The following BTBD9 variants were observed in gnomAD, a reference collection of about 807,000 sequenced individuals.
BTBD9 encodes the protein BTB domain containing 9, also known as BTB/POZ domain-containing protein 9.
A neutral mutation model predicts 64.3 loss-of-function variants in BTBD9; 49 were observed. The observed-to-expected ratio is 0.76, with a 90% CI of 0.61 to 0.97. The LOEUF is 0.97. BTBD9 is among the 50% of genes least tolerant of loss of function. The probability of loss-of-function intolerance (pLI) is 0.00; values close to 1 mark genes in which losing one functional copy is unlikely to be tolerated. For synonymous variants in BTBD9, 260 were observed against 274.7 expected, an observed-to-expected ratio of 0.95 and a Z score of 0.53; for missense variants, 598 against 762.1, an observed-to-expected ratio of 0.78 and a Z score of 2.53.
intron 6 of BTBD9, among the ~76,000 whole-genome samples, chr6:38,475,087 A>G (rs1417812819): frequency 6.6e-6 from 1 of 152,236 alleles, no homozygotes; most frequent in African/African-American, 2.4e-5. Context: ...AGGGAAAAGT[A>G]AAACAATGTT....
chr6:38,417,218 A>T (rs1169458828), intron 6 of BTBD9, among the ~76,000 whole-genome samples: 1 of 152,194 alleles, frequency 6.6e-6, no homozygotes, highest in Non-Finnish European at 1.5e-5. Flanking sequence ...CACCAGGATT[A>T]TAGGCATGAG....
At chr6:38,507,988 C>A (rs1206374964) in intron 6 of BTBD9, among the ~76,000 whole-genome samples, 2 of 152,054 alleles carry the variant, frequency 1.3e-5, no homozygotes, top group Non-Finnish European at 2.9e-5. Context: ...CACCCGCCAC[C>A]ACACCCCCCT....
chr6:38,178,462 C>G (rs1308405071), intron 10 of BTBD9, among the ~76,000 whole-genome samples: 1 of 152,162 alleles, frequency 6.6e-6, no homozygotes, highest in Non-Finnish European at 1.5e-5. Context: ...TGGGCGAGGT[C>G]CCAGCTGCCC....
At chr6:38,210,814 C>T (rs1356365145) in intron 9 of BTBD9, among the ~76,000 whole-genome samples, 1 of 152,060 alleles carries the variant, frequency 6.6e-6, no homozygotes, top group Non-Finnish European at 1.5e-5. Flanking sequence ...TTACCTTTAC[C>T]CTTGTCTATT....
At chr6:38,447,604 T>C (rs1769335111) in intron 6 of BTBD9, among the ~76,000 whole-genome samples, 1 of 152,204 alleles carries the variant, frequency 6.6e-6, no homozygotes, top group Non-Finnish European at 1.5e-5. Context: ...ACAGACTCTG[T>C]ACCATCATAC....
intron 6 of BTBD9, among the ~76,000 whole-genome samples, chr6:38,539,506 A>C (rs993960493): frequency 6.6e-6 from 1 of 152,326 alleles, no homozygotes; most frequent in Middle Eastern, 3.4e-3. Flanking sequence ...TCTGCTCAAG[A>C]ATTATATTGT....
chr6:38,478,487 G>A (rs926372676), intron 6 of BTBD9, among the ~76,000 whole-genome samples: 12 of 152,124 alleles, frequency 7.9e-5, no homozygotes, highest in African/African-American at 2.9e-4. Flanking sequence ...TGAGGATGGT[G>A]TCAAATCTCA....
chr6:38,402,022 C>T (rs1475361046), intron 6 of BTBD9, among the ~76,000 whole-genome samples: 1 of 151,818 alleles, frequency 6.6e-6, no homozygotes, highest in African/African-American at 2.4e-5. Flanking sequence ...ATAATCAATA[C>T]ACAAAATCAA....
rs114946809 is a variant in BTBD9, at chr6:38,576,438, G to A, written c.1154+1162C>T. ...ATCCCTGGGTAACAATATTGTGTCCGGTCATACCAATAAAAAAAATGTAGG... is the reference window on the plus strand; with the variant it reads ...ATCCCTGGGTAACAATATTGTGTCCAGTCATACCAATAAAAAAAATGTAGG... On this transcript the variant is annotated intron_variant, in intron 6 of 10. Transcript: ENST00000481247. Among the ~76,000 whole-genome samples, 441 of 152,160 alleles carry A rather than the reference G, an allele frequency of 2.9e-3. 7 individuals are homozygous for A. The highest frequency in any genetic ancestry group is 0.01 in the African/African-American group (420 of 41,506).
intron 7 of BTBD9, among the ~76,000 whole-genome samples, chr6:38,322,259 A>T (rs957346120): frequency 1.3e-5 from 2 of 152,010 alleles, no homozygotes; most frequent in Admixed American, 1.3e-4. Context: ...CATCTCCAAG[A>T]TACTCTTCCG....
At chr6:38,341,020 A>G (rs1222625669) in intron 7 of BTBD9, among the ~76,000 whole-genome samples, 2 of 152,246 alleles carry the variant, frequency 1.3e-5, no homozygotes, top group African/African-American at 4.8e-5. Context: ...CCAGACTGGT[A>G]GACACTCTAT....
chr6:38,308,157 C>A (rs2127568777), intron 7 of BTBD9, among the ~76,000 whole-genome samples: 1 of 152,304 alleles, frequency 6.6e-6, no homozygotes, highest in South Asian at 2.1e-4. Context: ...AATCAAGCAT[C>A]AGATGTTAGC....
At chr6:38,566,350 A>G (rs1775516546) in intron 6 of BTBD9, among the ~76,000 whole-genome samples, 1 of 152,202 alleles carries the variant, frequency 6.6e-6, no homozygotes, top group Admixed American at 6.5e-5. Flanking sequence ...TAAAATCTTC[A>G]GTTTACTTAA....
intron 9 of BTBD9, among the ~76,000 whole-genome samples, chr6:38,216,038 C>T (rs1449318117): frequency 6.6e-6 from 1 of 152,206 alleles, no homozygotes; most frequent in Non-Finnish European, 1.5e-5. Flanking sequence ...TCACCTTTCA[C>T]TTCTTGTGAA....
chr6:38,582,162 A>G (rs556912339), intron 4 of BTBD9, among the ~76,000 whole-genome samples: 70 of 152,240 alleles, frequency 4.6e-4, no homozygotes, highest in Non-Finnish European at 8.2e-4. Context: ...GAAGCAAAAG[A>G]CTGTAGCAAC....
At chr6:38,406,579 C>T (rs1390162626) in intron 6 of BTBD9, among the ~76,000 whole-genome samples, 1 of 152,154 alleles carries the variant, frequency 6.6e-6, no homozygotes, top group Non-Finnish European at 1.5e-5. Flanking sequence ...GATACTCTTA[C>T]TCTCAAAAAC....
At chr6:38,225,162 G>A (rs550195106) in intron 9 of BTBD9, among the ~76,000 whole-genome samples, 1 of 152,300 alleles carries the variant, frequency 6.6e-6, no homozygotes, top group South Asian at 2.1e-4. Context: ...TCAGTCAGAA[G>A]TTCTCTTACC....
chr6:38,597,914 A>G lies in BTBD9; in HGVS notation c.181T>C (p.Phe61Leu). The change falls in exon 2 of 11, where the codon TTT becomes CTT. Residue 61 changes from phenylalanine (F) to leucine (L), a missense_variant. By Grantham distance (22) the Phe-to-Leu change is conservative. Coordinates refer to ENST00000481247, the MANE Select transcript of BTBD9 (RefSeq NM_001099272.2). ...AAAAAAGTATTACACACTTACCGAA[A>G]ATATTGGCACCTGGCTGCTAAAATT... ...RVILAARCQY[F>L]RALLYGGMRE... 6.2e-7 allele frequency: 1 copy of G among 1,613,542 alleles called. No homozygotes were observed. The highest frequency in any genetic ancestry group is 1.7e-5 in the Admixed American group (1 of 59,926).
intron 9 of BTBD9, among the ~76,000 whole-genome samples, chr6:38,215,278 G>C (rs1391235472): frequency 6.6e-6 from 1 of 152,136 alleles, no homozygotes; most frequent in East Asian, 1.9e-4. Flanking sequence ...TCTATCACTT[G>C]TATTTTGGAG....
Sources: gnomAD v4.1 joint callset for allele counts (sites outside exome capture counted in the v4.1 genomes callset) on GRCh38, gnomAD v4.1.1 for gene constraint, MANE v1.5 for transcripts, NCBI Gene and HGNC (gene_info 2026-07-23, HGNC 2026-07-21) for gene names.